The following DIP2C variants were observed in gnomAD, a reference collection of about 807,000 sequenced individuals.
DIP2C encodes the protein disco-interacting protein 2 homolog C.
In DIP2C, 33 loss-of-function variants were observed where a neutral mutation model predicts 192.4. The observed-to-expected ratio is 0.17, with a 90% CI of 0.13 to 0.23. The LOEUF is 0.23. DIP2C is among the 10% of genes least tolerant of loss of function. The pLI is 1.00. For missense variants in DIP2C, 1,537 were observed against 2,110.1 expected (o/e 0.73, Z 5.32); for synonymous variants, 979 against 864.1 (o/e 1.13, Z -2.33).
Position 539,920 on chromosome 10 carries a change from C to T in DIP2C, c.86-53390G>A, listed in dbSNP as rs144197636. On this transcript the variant is annotated intron_variant, in intron 1 of 36. Transcript: ENST00000280886. ...AACCAGTATAAAACACATTACAAACCCCTAAATATGAAAATGTTTGACACC... is the reference window on the plus strand; with the variant it reads ...AACCAGTATAAAACACATTACAAACTCCTAAATATGAAAATGTTTGACACC... Among the ~76,000 whole-genome samples, 804 of 152,186 alleles carry T rather than the reference C, an allele frequency of 5.3e-3. 9 individuals are homozygous for T. Among genetic ancestry groups the T allele is most frequent in the African/African-American group, 0.018 (754 of 41,506 alleles).
chr10:589,317 T>C (rs1321114772), intron 1 of DIP2C, among the ~76,000 whole-genome samples: 1 of 152,206 alleles, frequency 6.6e-6, no homozygotes. Context: ...GTGTCTTTTA[T>C]ATTAAAAGTT....
At chr10:467,486 C>A (rs569069502) in intron 3 of DIP2C, among the ~76,000 whole-genome samples, 2 of 140,306 alleles carry the variant, frequency 1.4e-5, no homozygotes, top group South Asian at 4.4e-4. Flanking sequence ...ACATATGTAA[C>A]TAACCTGCAC....
intron 1 of DIP2C, among the ~76,000 whole-genome samples, chr10:525,410 C>T (rs902168757): frequency 6.6e-6 from 1 of 152,188 alleles, no homozygotes; most frequent in African/African-American, 2.4e-5. Context: ...AAAATACATA[C>T]ATTTGTGATG....
rs142035351 is a variant in DIP2C at position 349,652 on chromosome 10, G to A, written c.2986-198C>T. Among the ~76,000 whole-genome samples, 589 of 152,252 alleles carry A rather than the reference G, an allele frequency of 3.9e-3. 5 individuals are homozygous for A. The highest frequency in any genetic ancestry group is 0.013 in the African/African-American group (520 of 41,544). On this transcript the variant is annotated intron_variant, in intron 24 of 36. Coordinates refer to ENST00000280886, the MANE Select transcript of DIP2C (RefSeq NM_014974.3). The stretch of plus-strand genomic sequence containing the variant: ...CCCCAAAACTACATATACGTTAGAG[G>A]TCAACTCCATTTTCTTCCAACTAGG...
chr10:309,496 G>C (rs1956480127), intron 32 of DIP2C, among the ~76,000 whole-genome samples: 2 of 151,702 alleles, frequency 1.3e-5, no homozygotes, highest in South Asian at 4.2e-4. Context: ...GAGATGGTCA[G>C]ATAAAGCAGC....
At chr10:618,285 A>C (rs561161908) in intron 1 of DIP2C, among the ~76,000 whole-genome samples, 1 of 152,354 alleles carries the variant, frequency 6.6e-6, no homozygotes, top group Admixed American at 6.5e-5. Context: ...TTCTGGCATT[A>C]GATGACCAAA....
intron 29 of DIP2C, among the ~76,000 whole-genome samples, chr10:333,408 C>T (rs1254452575): frequency 6.6e-6 from 1 of 152,230 alleles, no homozygotes; most frequent in African/African-American, 2.4e-5. Flanking sequence ...CATCATTCTA[C>T]TTTGTTTACA....
At chr10:347,254 G>T (rs61836770) in intron 26 of DIP2C, among the ~76,000 whole-genome samples, 11,235 of 17,064 alleles carry the variant, frequency 0.66, 3,477 homozygotes, top group South Asian at 0.77. Context: ...AACCCCACAC[G>T]CACCCAACCC....
At chr10:432,185 G>A (rs1308035499) in intron 4 of DIP2C, among the ~76,000 whole-genome samples, 1 of 152,042 alleles carries the variant, frequency 6.6e-6, no homozygotes, top group South Asian at 2.1e-4. Context: ...TTTTGTTCCA[G>A]TTTTGGTATT....
chr10:521,095 T>C (rs976370553), intron 1 of DIP2C, among the ~76,000 whole-genome samples: 1 of 152,236 alleles, frequency 6.6e-6, no homozygotes, highest in African/African-American at 2.4e-5. Flanking sequence ...ATGTAATGTA[T>C]ACATTAGTAA....
chr10:367,559 T>C (rs1960427386), intron 18 of DIP2C, among the ~76,000 whole-genome samples: 1 of 152,298 alleles, frequency 6.6e-6, no homozygotes, highest in East Asian at 1.9e-4. Flanking sequence ...AGGGTACAGC[T>C]TCACAACCTT....
chr10:641,060 CT>C (rs1855169540), intron 1 of DIP2C, among the ~76,000 whole-genome samples: 1 of 151,760 alleles, frequency 6.6e-6, no homozygotes, highest in African/African-American at 2.4e-5. Flanking sequence ...CACATTGAGA[CT>C]TTTTATTCTG....
chr10:678,664 T>C (rs191487395), intron 1 of DIP2C, among the ~76,000 whole-genome samples: 1,921 of 6,316 alleles, frequency 0.3, 373 homozygotes, highest in African/African-American at 0.33. Context: ...GTCCTCCCTG[T>C]GCCCAGCTCC....
Position 366,205 on chromosome 10 carries a change from T to C in DIP2C, c.2268+70A>G, listed in dbSNP as rs550659674. On this transcript the variant is annotated intron_variant, in intron 19 of 36. Transcript: ENST00000280886. Reference sequence around the variant, plus strand: ...ATCTTACATTCCACGTCTATCACTATGCACCTGGCAAGGGCTCTTTGGAGA... The same window carrying C: ...ATCTTACATTCCACGTCTATCACTACGCACCTGGCAAGGGCTCTTTGGAGA... 1,198 of 1,582,606 alleles carry C rather than the reference T, an allele frequency of 7.6e-4. 11 individuals are homozygous for C. In the Middle Eastern group the frequency reaches 9.6e-3, roughly 13 times the overall value.
At chr10:613,539 C>G (rs548991878) in intron 1 of DIP2C, among the ~76,000 whole-genome samples, 1 of 152,210 alleles carries the variant, frequency 6.6e-6, no homozygotes, top group African/African-American at 2.4e-5. Context: ...CAACTGCATT[C>G]GTCTCCACCC....
intron 1 of DIP2C, among the ~76,000 whole-genome samples, chr10:527,695 A>C (rs974569792): frequency 6.6e-6 from 1 of 152,228 alleles, no homozygotes; most frequent in Non-Finnish European, 1.5e-5. Flanking sequence ...ACTTGACATA[A>C]ATGTTGGCTA....
Position 491,467 on chromosome 10 carries a change from G to T in DIP2C, c.86-4937C>A, listed in dbSNP as rs563777734. Among the ~76,000 whole-genome samples, 3 of 152,302 alleles carry T rather than the reference G, an allele frequency of 2.0e-5. No individual in the cohort carries two copies. The South Asian group carries it at 6.2e-4, about 32-fold the overall frequency. The stretch of plus-strand genomic sequence containing the variant: ...GCCGCAGCCTCGTTTTTAAATCTCC[G>T]ATAGGCTTCTTCGTTCTCCAGCAGG... On this transcript the variant is annotated intron_variant, in intron 1 of 36. Transcript: ENST00000280886.
chr10:343,881 C>A (rs1223864224), intron 28 of DIP2C, among the ~76,000 whole-genome samples: 1 of 152,200 alleles, frequency 6.6e-6, no homozygotes, highest in Non-Finnish European at 1.5e-5. Context: ...CACAGCCCTG[C>A]CCTCAGGATC....
chr10:616,014 T>G (rs1184621895), intron 1 of DIP2C, among the ~76,000 whole-genome samples: 3 of 152,180 alleles, frequency 2.0e-5, no homozygotes, highest in African/African-American at 7.2e-5. Context: ...TTTCCACATT[T>G]ATCACCCTTT....
Sources: gnomAD v4.1 joint callset for allele counts (sites outside exome capture counted in the v4.1 genomes callset) on GRCh38, gnomAD v4.1.1 for gene constraint, MANE v1.5 for transcripts, NCBI Gene and HGNC (gene_info 2026-07-23, HGNC 2026-07-21) for gene names.